DOK5: variants seen among roughly 807,000 people sequenced by gnomAD.
DOK5 encodes the protein docking protein 5.
Under a neutral mutation model 43.3 loss-of-function variants are expected in DOK5, and 27 were observed. The ratio of observed to expected loss-of-function variants is 0.62; its 90% CI spans 0.46 to 0.86. The LOEUF (loss-of-function observed/expected upper bound fraction) is 0.86, where lower values mean the gene tolerates loss of function less well. Among genes scored for constraint, DOK5 ranks in the 40% least tolerant of loss-of-function variants. The pLI, the probability that DOK5 is intolerant of heterozygous loss-of-function variation, is 0.00. For synonymous variants in DOK5, 146 were observed against 140.1 expected (o/e 1.04, Z -0.30); for missense variants, 373 against 392.9 (o/e 0.95, Z 0.43).
chr20:54,584,693 T>C (rs1254643952), intron 2 of DOK5, among the ~76,000 whole-genome samples: 3 of 150,420 alleles, frequency 2.0e-5, no homozygotes, highest in African/African-American at 7.3e-5. Context: ...TGTATATATA[T>C]ATAGTACTAT....
At chr20:54,527,683 C>A (rs1469231645) in intron 1 of DOK5, among the ~76,000 whole-genome samples, 1 of 152,106 alleles carries the variant, frequency 6.6e-6, no homozygotes, top group Non-Finnish European at 1.5e-5. Flanking sequence ...ACATTTTAAA[C>A]AAGAATTCAA....
chr20:54,642,017 G>A (rs1274398296), intron 6 of DOK5, among the ~76,000 whole-genome samples: 4 of 152,100 alleles, frequency 2.6e-5, no homozygotes, highest in Admixed American at 6.5e-5. Context: ...TTACACAATG[G>A]CATAATCAAC....
intron 1 of DOK5, among the ~76,000 whole-genome samples, chr20:54,508,861 T>C (rs1209969258): frequency 6.6e-6 from 1 of 151,910 alleles, no homozygotes; most frequent in Non-Finnish European, 1.5e-5. Context: ...ATTACAGGTG[T>C]GAGCCACTGT....
intron 1 of DOK5, among the ~76,000 whole-genome samples, chr20:54,527,354 A>G (rs916469349): frequency 6.6e-6 from 1 of 152,216 alleles, no homozygotes; most frequent in Non-Finnish European, 1.5e-5. Flanking sequence ...TCATGTGCTT[A>G]GGATTTTATG....
intron 7 of DOK5, 126 bp downstream of exon 7, chr20:54,643,704 C>G (rs1979238480): frequency 8.0e-7 from 1 of 1,251,822 alleles, no homozygotes; most frequent in African/African-American, 1.5e-5. Flanking sequence ...GGTAGGACCC[C>G]CATCAAGGCC....
At chr20:54,606,144 T>A (rs1329587985) in intron 5 of DOK5, among the ~76,000 whole-genome samples, 1 of 152,224 alleles carries the variant, frequency 6.6e-6, no homozygotes, top group Admixed American at 6.5e-5. Context: ...AATCCATGAT[T>A]CGGAGTGACA....
chr20:54,482,031 A>G (rs1981741457), intron 1 of DOK5, among the ~76,000 whole-genome samples: 1 of 152,230 alleles, frequency 6.6e-6, no homozygotes, highest in African/African-American at 2.4e-5. Context: ...ATATCCTCAA[A>G]GAACTTGTTT....
chr20:54,478,238 C>A (rs1981513447), intron 1 of DOK5, among the ~76,000 whole-genome samples: 1 of 152,112 alleles, frequency 6.6e-6, no homozygotes, highest in Non-Finnish European at 1.5e-5. Context: ...ACATAGTTGC[C>A]AGAACACAGT....
intron 1 of DOK5, among the ~76,000 whole-genome samples, chr20:54,542,109 C>CACACAG (rs1984182810): frequency 6.6e-6 from 1 of 151,222 alleles, no homozygotes; most frequent in African/African-American, 2.4e-5. Context: ...TACACACACA[C>CACACAG]ACACACACAC....
At chr20:54,477,512 C>T (rs1341744781) in intron 1 of DOK5, among the ~76,000 whole-genome samples, 1 of 152,190 alleles carries the variant, frequency 6.6e-6, no homozygotes, top group Non-Finnish European at 1.5e-5. Flanking sequence ...CAAATATTCT[C>T]ATCTTCAAGA....
intron 1 of DOK5, among the ~76,000 whole-genome samples, chr20:54,534,659 A>G (rs1054211067): frequency 2.0e-5 from 3 of 152,234 alleles, no homozygotes; most frequent in African/African-American, 7.2e-5. Flanking sequence ...ATACCTGTCA[A>G]CTAAGCAGTG....
At chr20:54,640,406 G>A (rs1569983) in intron 6 of DOK5, among the ~76,000 whole-genome samples, 119,028 of 152,108 alleles carry the variant, frequency 0.78, 46,812 homozygotes, top group East Asian at 1. Flanking sequence ...AGGGACTCAG[G>A]GCGTCACAGA....
Position 54,514,896 on chromosome 20 carries a change from C to T in DOK5, c.66+38884C>T, listed in dbSNP as rs535635649. 7.9e-5 allele frequency among the ~76,000 whole-genome samples: 12 copies of T among 151,674 alleles called. No individual in the cohort carries two copies. In the South Asian group the frequency reaches 1.3e-3, roughly 16 times the overall value. ...CCCTTCCTCCTTCCATCCTTCTTTC[C>T]GTCCCTCCCTTCTTCTCTTCTTCCT... On this transcript the variant is annotated intron_variant, in intron 1 of 7. Coordinates refer to ENST00000262593, the MANE Select transcript of DOK5 (RefSeq NM_018431.5).
intron 2 of DOK5, among the ~76,000 whole-genome samples, chr20:54,582,736 T>C (rs1985680653): frequency 6.6e-6 from 1 of 151,820 alleles, no homozygotes; most frequent in Non-Finnish European, 1.5e-5. Context: ...TCAGAAGTAG[T>C]ATCTCCTTTC....
intron 1 of DOK5, among the ~76,000 whole-genome samples, chr20:54,507,359 T>TA (rs2146683779): frequency 1.3e-5 from 2 of 152,318 alleles, no homozygotes; most frequent in African/African-American, 4.8e-5. Flanking sequence ...GAAGCCACAT[T>TA]AAAAAATAAA....
chr20:54,538,287 G>A (rs76161119), intron 1 of DOK5, among the ~76,000 whole-genome samples: 4,173 of 151,518 alleles, frequency 0.028, 175 homozygotes, highest in African/African-American at 0.096. Flanking sequence ...ATGAAATAAT[G>A]GCTGAAAAGA....
intron 1 of DOK5, among the ~76,000 whole-genome samples, chr20:54,479,919 G>A (rs1280143173): frequency 6.6e-6 from 1 of 152,002 alleles, no homozygotes; most frequent in Non-Finnish European, 1.5e-5. Context: ...CAATCCATCA[G>A]GAGATCTTGT....
chr20:54,633,578 G>A (rs747374434), intron 6 of DOK5, among the ~76,000 whole-genome samples: 12 of 152,204 alleles, frequency 7.9e-5, no homozygotes, highest in Non-Finnish European at 1.3e-4. Flanking sequence ...GTTCAGGCGT[G>A]GATGTGGCTT....
At chr20:54,582,739 C>G (rs73911982) in intron 2 of DOK5, among the ~76,000 whole-genome samples, 11,537 of 151,622 alleles carry the variant, frequency 0.076, 1,484 homozygotes, top group African/African-American at 0.26. Flanking sequence ...GAAGTAGTAT[C>G]TCCTTTCATT....
Sources: gnomAD v4.1 joint callset for allele counts (sites outside exome capture counted in the v4.1 genomes callset) on GRCh38, gnomAD v4.1.1 for gene constraint, MANE v1.5 for transcripts, NCBI Gene and HGNC (gene_info 2026-07-23, HGNC 2026-07-21) for gene names.